The following KHDRBS2 variants were observed in gnomAD, a reference collection of about 807,000 sequenced individuals.
The protein encoded by KHDRBS2 is KH RNA binding domain containing, signal transduction associated 2.
Under a neutral mutation model 44.3 loss-of-function variants are expected in KHDRBS2, and 26 were observed. The observed-to-expected ratio is 0.59, with a 90% CI of 0.43 to 0.81. KHDRBS2 has a LOEUF of 0.81. KHDRBS2 is among the 40% of genes least tolerant of loss of function. The pLI is 0.00. For synonymous variants in KHDRBS2, 194 were observed against 151.1 expected (o/e 1.28, Z -2.08); for missense variants, 476 against 433.1 (o/e 1.10, Z -0.88).
chr6:62,095,748 T>G (rs1369346104), intron 2 of KHDRBS2, among the ~76,000 whole-genome samples: 1 of 151,922 alleles, frequency 6.6e-6, no homozygotes, highest in African/African-American at 2.4e-5. Context: ...GAACTTCCAG[T>G]ACTATGATGA....
chr6:61,962,394 T>C (rs1366593343), intron 4 of KHDRBS2, among the ~76,000 whole-genome samples: 4 of 152,072 alleles, frequency 2.6e-5, no homozygotes, highest in Non-Finnish European at 5.9e-5. Context: ...AAATAGTATG[T>C]GTGGCCTGTA....
At chr6:61,868,052 G>T (rs1337486331) in intron 6 of KHDRBS2, among the ~76,000 whole-genome samples, 1 of 152,130 alleles carries the variant, frequency 6.6e-6, no homozygotes, top group Non-Finnish European at 1.5e-5. Context: ...GGCTGGACCA[G>T]CTGAGATGCC....
intron 2 of KHDRBS2, among the ~76,000 whole-genome samples, chr6:62,059,272 T>C (rs1791120692): frequency 7.9e-6 from 1 of 126,600 alleles, no homozygotes; most frequent in Non-Finnish European, 1.6e-5. Context: ...AGCTTGAAGC[T>C]GGGTATGGAA....
At chr6:61,745,422 G>C (rs369055896) in intron 6 of KHDRBS2, among the ~76,000 whole-genome samples, 1 of 152,140 alleles carries the variant, frequency 6.6e-6, no homozygotes, top group South Asian at 2.1e-4. Flanking sequence ...CTGGAGTTTA[G>C]AGTAATGAAG....
chr6:61,608,264 T>A, the KHDRBS2 span, among the ~76,000 whole-genome samples: 123,040 of 151,344 alleles, frequency 0.81, 50,366 homozygotes, highest in Non-Finnish European at 0.87. Context: ...ACATATATAC[T>A]CACATACACA....
At chr6:61,937,337 C>A (rs1393050201) in intron 4 of KHDRBS2, among the ~76,000 whole-genome samples, 1 of 151,898 alleles carries the variant, frequency 6.6e-6, no homozygotes, top group South Asian at 2.1e-4. Context: ...ATTTATTCAA[C>A]CATATCAGAT....
chr6:61,830,214 G>C lies in KHDRBS2; in HGVS notation c.810+64421C>G, dbSNP rs1428381843. On this transcript the variant is annotated intron_variant, in intron 6 of 8. Transcript: ENST00000281156. ...TTGATATGGGTAGAGCTTATTCTCA[G>C]GGTAAAGGAATGTGGACTCACACTC... Among the ~76,000 whole-genome samples, 5 of 152,288 alleles carry C rather than the reference G, an allele frequency of 3.3e-5. No homozygotes were observed. The East Asian group carries it at 9.7e-4, about 29-fold the overall frequency.
At chr6:61,943,507 C>G (rs1294138217) in intron 4 of KHDRBS2, among the ~76,000 whole-genome samples, 1 of 152,066 alleles carries the variant, frequency 6.6e-6, no homozygotes, top group African/African-American at 2.4e-5. Flanking sequence ...ATTAAATTCT[C>G]CACTTAAAAG....
chr6:61,780,280 C>G (rs1371937471), intron 6 of KHDRBS2, among the ~76,000 whole-genome samples: 5 of 152,090 alleles, frequency 3.3e-5, no homozygotes, highest in Admixed American at 3.3e-4. Context: ...GCAGGTGGTT[C>G]ACTTGAGCTC....
Position 61,768,394 on chromosome 6 carries a change from T to G in KHDRBS2, c.811-35630A>C, listed in dbSNP as rs188116598. Among the ~76,000 whole-genome samples, 291 of 152,246 alleles carry G rather than the reference T, an allele frequency of 1.9e-3. 1 individual carries two copies. Among genetic ancestry groups the G allele is most frequent in the African/African-American group, 6.8e-3 (282 of 41,552 alleles). ...CTTCTTGTCCTTAAATATTGATATA[T>G]TTCTCCATGTTTAGAAATTCTCTGT... is the stretch of plus-strand genomic sequence containing the variant. On this transcript the variant is annotated intron_variant, in intron 6 of 8. Transcript: ENST00000281156.
intron 1 of KHDRBS2, among the ~76,000 whole-genome samples, chr6:62,191,148 T>C (rs1459181399): frequency 6.6e-6 from 1 of 152,176 alleles, no homozygotes; most frequent in Non-Finnish European, 1.5e-5. Flanking sequence ...TGAGTGTCAC[T>C]ACCCTGACAT....
chr6:61,727,669 C>A (rs777507567), intron 7 of KHDRBS2, among the ~76,000 whole-genome samples: 1 of 152,006 alleles, frequency 6.6e-6, no homozygotes, highest in African/African-American at 2.4e-5. Flanking sequence ...ATGTGACTAA[C>A]AAACATGAAA....
rs1444021844 is a variant in KHDRBS2, at chr6:61,807,229, T to C, written c.811-74465A>G. ...AATGCTTATACACTGCTGGTGGGAG[T>C]ACAAATTAGTTAAGCCATCGTGGAA... On this transcript the variant is annotated intron_variant, in intron 6 of 8. Transcript: ENST00000281156. 3.3e-5 allele frequency among the ~76,000 whole-genome samples: 5 copies of C among 151,724 alleles called. No homozygotes were observed. The East Asian group carries it at 9.7e-4, about 29-fold the overall frequency.
At chr6:61,550,597 AT>A in the KHDRBS2 span, among the ~76,000 whole-genome samples, 17 of 151,978 alleles carry the variant, frequency 1.1e-4, no homozygotes, top group African/African-American at 4.1e-4. Flanking sequence ...TCAAATGGTA[AT>A]TCTGTTTTAT....
chr6:61,950,551 G>A (rs1764534116), intron 4 of KHDRBS2, among the ~76,000 whole-genome samples: 1 of 151,924 alleles, frequency 6.6e-6, no homozygotes, highest in Non-Finnish European at 1.5e-5. Flanking sequence ...TGAGGGCTAT[G>A]AAAATGTATA....
At chr6:61,878,310 C>A (rs990883586) in intron 6 of KHDRBS2, among the ~76,000 whole-genome samples, 1 of 152,014 alleles carries the variant, frequency 6.6e-6, no homozygotes, top group Non-Finnish European at 1.5e-5. Flanking sequence ...CTAGGCAATT[C>A]TTTTTCACAA....
chr6:61,607,947 C>A, the KHDRBS2 span, among the ~76,000 whole-genome samples: 1 of 152,168 alleles, frequency 6.6e-6, no homozygotes, highest in African/African-American at 2.4e-5. Context: ...CTTGGCCTCC[C>A]AAAGTGCTGG....
chr6:62,206,106 T>C (rs771500744), intron 1 of KHDRBS2, among the ~76,000 whole-genome samples: 1 of 152,190 alleles, frequency 6.6e-6, no homozygotes. Flanking sequence ...TTTAAAATAC[T>C]TGTTGGAGAC....
At chr6:62,040,032 T>A (rs1786117071) in intron 3 of KHDRBS2, among the ~76,000 whole-genome samples, 1 of 152,136 alleles carries the variant, frequency 6.6e-6, no homozygotes, top group African/African-American at 2.4e-5. Flanking sequence ...CTTTCTATTT[T>A]TGATGTCTAG....
Sources: allele counts gnomAD v4.1 joint callset (sites outside exome capture counted in the v4.1 genomes callset), GRCh38; gene constraint gnomAD v4.1.1; transcripts MANE v1.5; gene names NCBI Gene and HGNC (gene_info 2026-07-23, HGNC 2026-07-21).